MAN1C1: variants seen among roughly 807,000 people sequenced by gnomAD.
MAN1C1 encodes mannosyl-oligosaccharide 1,2-alpha-mannosidase IC.
In MAN1C1, 49 loss-of-function variants were observed where a neutral mutation model predicts 71.5. The observed-to-expected ratio is 0.69, with a 90% CI of 0.54 to 0.87. The LOEUF (loss-of-function observed/expected upper bound fraction) is 0.87. Ranked by LOEUF, MAN1C1 falls within the 40% of genes least tolerant of loss-of-function variation. The pLI is 0.00. For synonymous variants in MAN1C1, 352 were observed against 343.7 expected (o/e 1.02, Z -0.27); for missense variants, 743 against 835.0 (o/e 0.89, Z 1.36).
At position 25,618,043 on chromosome 1, in the gene MAN1C1, C is replaced by T; in HGVS notation, c.246C>T (p.Pro82=). 1 of 1,578,042 alleles carries T rather than the reference C, an allele frequency of 6.3e-7. No homozygotes were observed. The highest frequency in any genetic ancestry group is 2.4e-5 in the East Asian group (1 of 41,896). ...CGGCCCGCGAGCAGGAGCCGCCTCC[C>T]AACCCGGCCCCCGCCGCGCCGGCCC... is the stretch of plus-strand genomic sequence containing the variant. ...HAPAREQEPP[P]NPAPAAPAPG... is the part of the protein sequence containing the mutation. Residue 82 remains proline (P), a synonymous_variant, in exon 1 of 12, where the codon CCC becomes CCT. Coordinates refer to ENST00000374332, the MANE Select transcript of MAN1C1 (RefSeq NM_020379.4).
chr1:25,740,829 G>T (rs2047053521), intron 2 of MAN1C1, among the ~76,000 whole-genome samples: 1 of 152,062 alleles, frequency 6.6e-6, no homozygotes, highest in Non-Finnish European at 1.5e-5. Context: ...ATGCCAAGGG[G>T]GCGGGGAGGA....
chr1:25,652,336 T>C (rs759156418), intron 1 of MAN1C1, among the ~76,000 whole-genome samples: 3 of 152,248 alleles, frequency 2.0e-5, no homozygotes. Context: ...CAAGTAACGC[T>C]GGAACTCTTG....
At chr1:25,750,061 C>T (rs552991582) in intron 4 of MAN1C1, among the ~76,000 whole-genome samples, 2 of 152,318 alleles carry the variant, frequency 1.3e-5, no homozygotes, top group African/African-American at 4.8e-5. Flanking sequence ...TCCACACCAC[C>T]CTCACCTACT....
intron 5 of MAN1C1, among the ~76,000 whole-genome samples, chr1:25,755,019 C>T (rs2047267226): frequency 6.6e-6 from 1 of 152,142 alleles, no homozygotes; most frequent in Non-Finnish European, 1.5e-5. Context: ...TCGGAGGGGG[C>T]CTCCTGGCAG....
chr1:25,648,221 A>G (rs2045643143), intron 1 of MAN1C1, among the ~76,000 whole-genome samples: 1 of 152,250 alleles, frequency 6.6e-6, no homozygotes, highest in African/African-American at 2.4e-5. Context: ...ATCAGGGAGC[A>G]TATTCCCAGT....
intron 1 of MAN1C1, among the ~76,000 whole-genome samples, chr1:25,626,926 G>A (rs2045303542): frequency 6.6e-6 from 1 of 151,988 alleles, no homozygotes; most frequent in African/African-American, 2.4e-5. Context: ...CTTTTGATGA[G>A]TGCTTTCTGT....
rs564195281 is a variant in MAN1C1 at position 25,721,463 on chromosome 1, C to T, written c.638-25205C>T. ...TTAGATCTTCTTTAATTTCCCTCAA[C>T]AATATTTTATAGTTTAGAGTATACA... On this transcript the variant is annotated intron_variant, in intron 2 of 11. Transcript: ENST00000374332. Among the ~76,000 whole-genome samples the T allele has an allele frequency of 9.9e-5, 15 of 152,196 alleles. No individual in the cohort carries two copies. In the South Asian group the frequency reaches 3.1e-3, roughly 32 times the overall value.
At chr1:25,677,411 G>GAC (rs3835656) in intron 1 of MAN1C1, among the ~76,000 whole-genome samples, 29,896 of 150,034 alleles carry the variant, frequency 0.2, 3,139 homozygotes, top group Middle Eastern at 0.3. Context: ...CTCTAGCAGG[G>GAC]ACACACACAC....
At chr1:25,696,386 C>G (rs1042342766) in intron 2 of MAN1C1, among the ~76,000 whole-genome samples, 1 of 151,916 alleles carries the variant, frequency 6.6e-6, no homozygotes. Flanking sequence ...GGATCGAACC[C>G]TGGTCTTCTA....
Position 25,675,256 on chromosome 1 carries a change from G to A in MAN1C1, c.541-11184G>A, listed in dbSNP as rs977171245. Among the ~76,000 whole-genome samples, 6 of 152,072 alleles carry A rather than the reference G, an allele frequency of 3.9e-5. No homozygotes were observed. In the South Asian group the frequency reaches 6.2e-4, roughly 16 times the overall value. On this transcript the variant is annotated intron_variant, in intron 1 of 11. Transcript: ENST00000374332. ...CCTGCAGTCTTTCCCCCAACTCTGA[G>A]TCCCCAAAGTCCATTATATCATTCT... is the stretch of plus-strand genomic sequence containing the variant.
intron 2 of MAN1C1, among the ~76,000 whole-genome samples, chr1:25,739,647 G>T (rs1572185987): frequency 6.6e-6 from 1 of 152,262 alleles, no homozygotes; most frequent in Non-Finnish European, 1.5e-5. Flanking sequence ...CAGCTCCTGG[G>T]GAGGAGGTTC....
chr1:25,737,522 C>T (rs899670736), intron 2 of MAN1C1, among the ~76,000 whole-genome samples: 16 of 152,210 alleles, frequency 1.1e-4, no homozygotes, highest in Non-Finnish European at 2.1e-4. Flanking sequence ...CATTTCCAAT[C>T]GCCATTCATT....
intron 2 of MAN1C1, among the ~76,000 whole-genome samples, chr1:25,699,538 G>T (rs1255480091): frequency 6.6e-6 from 1 of 152,120 alleles, no homozygotes; most frequent in East Asian, 1.9e-4. Context: ...CCCCACTCTA[G>T]GTCCCAAGAG....
At chr1:25,718,151 T>C (rs956672656) in intron 2 of MAN1C1, among the ~76,000 whole-genome samples, 3 of 152,206 alleles carry the variant, frequency 2.0e-5, no homozygotes, top group African/African-American at 7.2e-5. Context: ...TCCTTCCCTT[T>C]CCTAAGTAAC....
Position 25,776,856 on chromosome 1 carries a change from A to G in MAN1C1, c.1258-1249A>G, listed in dbSNP as rs1022714098. 3.3e-5 allele frequency among the ~76,000 whole-genome samples: 5 copies of G among 152,176 alleles called. No homozygotes were observed. Among genetic ancestry groups the G allele is most frequent in the South Asian group, 4.1e-4 (2 of 4,828 alleles). On this transcript the variant is annotated intron_variant, in intron 8 of 11. Transcript: ENST00000374332. This position sits in a 1 kb window ranked among gnomAD's most constrained non-coding sequence, Gnocchi z 4.3. ...AGTGGGGACTCGCTCTGTGCTGGGA[A>G]ATAGGCCAAGTCCTGCAGGCATATC...
At position 25,775,148 on chromosome 1, in the gene MAN1C1, T is replaced by A. The variant is rs1028878602; in HGVS notation, c.1258-2957T>A. The stretch of plus-strand genomic sequence containing the variant: ...TCAGATGTCTGTGTTCTCTCCAAAG[T>A]GTTGACAACTGGTGACTCGGACCCA... On this transcript the variant is annotated intron_variant, in intron 8 of 11. Coordinates refer to ENST00000374332, the MANE Select transcript of MAN1C1 (RefSeq NM_020379.4). This position sits in a 1 kb window ranked among gnomAD's most constrained non-coding sequence, Gnocchi z 5.1. Among the ~76,000 whole-genome samples the A allele has an allele frequency of 2.6e-5, 4 of 152,184 alleles. No homozygotes were observed. The highest frequency in any genetic ancestry group is 5.9e-5 in the Non-Finnish European group (4 of 68,030).
At chr1:25,701,981 A>C (rs2046450403) in intron 2 of MAN1C1, among the ~76,000 whole-genome samples, 1 of 152,076 alleles carries the variant, frequency 6.6e-6, no homozygotes, top group African/African-American at 2.4e-5. Flanking sequence ...AATCGCTTGA[A>C]CCTGAGAGGC....
chr1:25,721,901 C>T (rs1442591774), intron 2 of MAN1C1, among the ~76,000 whole-genome samples: 2 of 152,176 alleles, frequency 1.3e-5, no homozygotes, highest in African/African-American at 4.8e-5. Context: ...TCTCATTTTC[C>T]ATCCCCTATT....
At chr1:25,651,214 AGAG>A (rs1408339608) in intron 1 of MAN1C1, among the ~76,000 whole-genome samples, 1 of 152,244 alleles carries the variant, frequency 6.6e-6, no homozygotes, top group Non-Finnish European at 1.5e-5. Context: ...CTTCTGTCCC[AGAG>A]GAGAAGCGGG....
Sources: allele counts gnomAD v4.1 joint callset (sites outside exome capture counted in the v4.1 genomes callset), GRCh38; gene constraint gnomAD v4.1.1; non-coding constraint Gnocchi (gnomAD v3.1); transcripts MANE v1.5; gene names NCBI Gene and HGNC (gene_info 2026-07-23, HGNC 2026-07-21).